Variants in SLC30A10 observed in about 807,000 individuals in gnomAD.
The protein encoded by SLC30A10 is solute carrier family 30 member 10, also known as calcium/manganese antiporter SLC30A10.
In SLC30A10, 8 loss-of-function variants were observed where a neutral mutation model predicts 21.7. The ratio of observed to expected loss-of-function variants is 0.37; its 90% CI spans 0.22 to 0.67. The LOEUF is 0.67. Ranked by LOEUF, SLC30A10 falls within the 30% of genes least tolerant of loss-of-function variation. The probability of loss-of-function intolerance (pLI) is 0.58; values close to 1 mark genes in which losing one functional copy is unlikely to be tolerated. For synonymous variants in SLC30A10, 272 were observed against 279.4 expected (o/e 0.97, Z 0.26); for missense variants, 521 against 642.5 (o/e 0.81, Z 2.04).
intron 1 of SLC30A10, 95 bp downstream of exon 1, chr1:219,927,706 G>A: frequency 1.1e-6 from 1 of 935,838 alleles, no homozygotes; most frequent in Non-Finnish European, 1.4e-6. Flanking sequence ...AAAAAAGCAT[G>A]CAGAAGAAAA....
Position 219,910,766 on chromosome 1 carries a change from T to A in SLC30A10, c.*4683A>T, listed in dbSNP as rs1252844288. On this transcript the variant is annotated 3_prime_UTR_variant, in exon 4 of 4. Coordinates refer to ENST00000366926, the MANE Select transcript of SLC30A10 (RefSeq NM_018713.3). ...TGCAGAGTAGGTGCAGTGTCTGGCA[T>A]GGCTTTGTACTAAGAGGTGACAGTT... Among the ~76,000 whole-genome samples the A allele has an allele frequency of 6.6e-6, 1 of 152,220 alleles. No homozygotes were observed. The highest frequency in any genetic ancestry group is 2.4e-5 in the African/African-American group (1 of 41,436).
chr1:219,918,280 T>G lies in SLC30A10; in HGVS notation c.933A>C (p.Pro311=). Residue 311 remains proline, a synonymous_variant, in exon 3 of 4, where the codon CCA becomes CCC. Coordinates refer to ENST00000366926, the MANE Select transcript of SLC30A10 (RefSeq NM_018713.3). This position sits in a 1 kb window ranked among gnomAD's most constrained non-coding sequence, Gnocchi z 4.4. ...TCAGCTCTTCCATGTTGACTCCTTT[T>G]GGGACCATCTGTAGCAGAATGGCAG... ...ETAAILLQMV[P]KGVNMEELMS... is the part of the protein sequence containing the mutation. 3.7e-6 allele frequency: 6 copies of G among 1,614,162 alleles called. No homozygotes were observed. The highest frequency in any genetic ancestry group is 5.1e-6 in the Non-Finnish European group (6 of 1,180,022).
intron 2 of SLC30A10, among the ~76,000 whole-genome samples, chr1:219,925,395 G>A (rs765189761): frequency 1.1e-4 from 17 of 151,390 alleles, no homozygotes; most frequent in South Asian, 2.1e-4. Context: ...TCAGCCAGGC[G>A]TGGTGGTGCG....
In SLC30A10 at chr1:219,911,618, TAC is replaced by T. The variant is rs147560051; in HGVS notation, c.*3829_*3830del. 6.6e-3 allele frequency among the ~76,000 whole-genome samples: 1,001 copies of T among 151,950 alleles called. 18 individuals are homozygous for T. Among genetic ancestry groups the T allele is most frequent in the African/African-American group, 0.023 (968 of 41,214 alleles). ...TTTATAAGGGCTTTTCATTTCAAAT[TAC>T]ATTTTTCTTTAAATATCCAAAGTTC... On this transcript the variant is annotated 3_prime_UTR_variant, in exon 4 of 4. Transcript: ENST00000366926.
In SLC30A10 at chr1:219,913,992, C is replaced by A. The variant is rs978617018; in HGVS notation, c.*1457G>T. 1 of 149,714 alleles carries A rather than the reference C, an allele frequency of 6.7e-6. No homozygotes were observed. Among genetic ancestry groups the A allele is most frequent in the African/African-American group, 2.5e-5 (1 of 40,416 alleles). 9.3% of individuals were successfully genotyped at this position (149,714 alleles called of 1,614,324 possible). A position where few individuals can be genotyped will look rare whatever the true frequency, so the allele number is the denominator to read the frequency against. On this transcript the variant is annotated 3_prime_UTR_variant, in exon 4 of 4. Coordinates refer to ENST00000366926, the MANE Select transcript of SLC30A10 (RefSeq NM_018713.3). ...TTTATTTTAGCCTTCAAATTTAGGA[C>A]TAAGATACATTGTTTAAATATGATG...
chr1:219,932,762 T>G (rs1363154431), upstream of SLC30A10, among the ~76,000 whole-genome samples: 1 of 137,756 alleles, frequency 7.3e-6, no homozygotes, highest in African/African-American at 2.6e-5. Flanking sequence ...GTGCAAAAGA[T>G]TAAAAATGAG....
intron 1 of SLC30A10, among the ~76,000 whole-genome samples, chr1:219,955,656 G>C (rs1038151469): frequency 1.3e-5 from 2 of 152,244 alleles, no homozygotes; most frequent in South Asian, 4.1e-4. Context: ...ACACCAGATA[G>C]ATAAGCAGAA....
intron 1 of SLC30A10, among the ~76,000 whole-genome samples, chr1:219,936,338 C>A (rs1660044737): frequency 6.6e-6 from 1 of 152,102 alleles, no homozygotes; most frequent in Non-Finnish European, 1.5e-5. Flanking sequence ...GCCATGGACC[C>A]ACAACCAACA....
rs1659411778 is a variant in SLC30A10, at chr1:219,911,319, T to C, written c.*4130A>G. ...ATAAATGATAAAGATTTTTTTAACA[T>C]CTGAACTTGTCATTAGCACTAAGAT... On this transcript the variant is annotated 3_prime_UTR_variant, in exon 4 of 4. Coordinates refer to ENST00000366926, the MANE Select transcript of SLC30A10 (RefSeq NM_018713.3). Among the ~76,000 whole-genome samples, 1 of 151,996 alleles carries C rather than the reference T, an allele frequency of 6.6e-6. No individual in the cohort carries two copies. Among genetic ancestry groups the C allele is most frequent in the Admixed American group, 6.6e-5 (1 of 15,262 alleles).
chr1:219,954,882 A>T (rs1660325553), intron 1 of SLC30A10, among the ~76,000 whole-genome samples: 1 of 152,134 alleles, frequency 6.6e-6, no homozygotes, highest in Non-Finnish European at 1.5e-5. Context: ...GAGCTGTACA[A>T]GGTCACCTTT....
intron 1 of SLC30A10, among the ~76,000 whole-genome samples, chr1:219,944,175 T>C (rs914369748): frequency 1.4e-5 from 2 of 145,034 alleles, no homozygotes; most frequent in Admixed American, 7.0e-5. Context: ...TGGCGGGGCA[T>C]GACAGCTTAC....
Position 219,918,569 on chromosome 1 carries a change from G to T in SLC30A10, c.719-75C>A. 1 of 1,496,326 alleles carries T rather than the reference G, an allele frequency of 6.7e-7. No individual in the cohort carries two copies. 92.7% of individuals were successfully genotyped at this position (1,496,326 alleles called of 1,614,324 possible). A position where few individuals can be genotyped will look rare whatever the true frequency, so the allele number is the denominator to read the frequency against. On this transcript the variant is annotated intron_variant, in intron 2 of 3. Coordinates refer to ENST00000366926, the MANE Select transcript of SLC30A10 (RefSeq NM_018713.3). This position sits in a 1 kb window ranked among gnomAD's most constrained non-coding sequence, Gnocchi z 4.4. ...GTGACACTCACTGACTTGGGTGTCC[G>T]GGTATATGAATATCTGTTACCATTT...
chr1:219,929,819 G>A (rs1281209059), upstream of SLC30A10, among the ~76,000 whole-genome samples: 2 of 152,116 alleles, frequency 1.3e-5, no homozygotes, highest in East Asian at 3.9e-4. Flanking sequence ...ACTGCACCTG[G>A]CCAAGACTCT....
intron 1 of SLC30A10, among the ~76,000 whole-genome samples, chr1:219,952,750 T>C (rs1232519378): frequency 1.3e-5 from 2 of 152,218 alleles, no homozygotes; most frequent in Non-Finnish European, 2.9e-5. Flanking sequence ...TCATTTTTCA[T>C]TAAAATTTAC....
rs544098111 is a variant in SLC30A10 at position 219,911,829 on chromosome 1, T to G, written c.*3620A>C. On this transcript the variant is annotated 3_prime_UTR_variant, in exon 4 of 4. Coordinates refer to ENST00000366926, the MANE Select transcript of SLC30A10 (RefSeq NM_018713.3). ...AGTGGCTCAGAACTTGGGGCAATTTTTTTTCCCAGGTTATATGTGGCAATG... is the reference window on the plus strand; with the variant it reads ...AGTGGCTCAGAACTTGGGGCAATTTGTTTTCCCAGGTTATATGTGGCAATG... Among the ~76,000 whole-genome samples, 63 of 152,226 alleles carry G rather than the reference T, an allele frequency of 4.1e-4. No individual in the cohort carries two copies. The highest frequency in any genetic ancestry group is 1.5e-3 in the African/African-American group (62 of 41,524).
chr1:219,944,926 C>T (rs1660168115), intron 1 of SLC30A10, among the ~76,000 whole-genome samples: 1 of 152,148 alleles, frequency 6.6e-6, no homozygotes, highest in South Asian at 2.1e-4. Context: ...ACTTAAAAGA[C>T]AGAAAACTGG....
chr1:219,920,291 A>G (rs116944546), intron 2 of SLC30A10, among the ~76,000 whole-genome samples: 105 of 152,312 alleles, frequency 6.9e-4, no homozygotes, highest in African/African-American at 2.3e-3. Flanking sequence ...GGGAAACTCA[A>G]AAATACTTTG....
rs964292113 is a variant in SLC30A10 at position 219,912,631 on chromosome 1, G to A, written c.*2818C>T. 3.3e-5 allele frequency among the ~76,000 whole-genome samples: 5 copies of A among 152,084 alleles called. No homozygotes were observed. Among genetic ancestry groups the A allele is most frequent in the African/African-American group, 4.8e-5 (2 of 41,414 alleles). On this transcript the variant is annotated 3_prime_UTR_variant, in exon 4 of 4. Transcript: ENST00000366926. ...GGGTGGATCACAAGGTCAGGAGATCGAGACCATCCTGGCTAACATGGTGAA... is the reference window on the plus strand; with the variant it reads ...GGGTGGATCACAAGGTCAGGAGATCAAGACCATCCTGGCTAACATGGTGAA...
rs1164535981 is a variant in SLC30A10 at position 219,925,632 on chromosome 1, C to CATATATATATATAT, written c.718+1382_718+1395dup. On this transcript the variant is annotated intron_variant, in intron 2 of 3. Transcript: ENST00000366926. Reference sequence around the variant, plus strand: ...CTTAAAATTTATGTGTGTGTGTGTACATATATATATATATATATATTTTTT... The same window carrying CATATATATATATAT: ...CTTAAAATTTATGTGTGTGTGTGTACATATATATATATATATATATATATATATATATATTTTTT... Among the ~76,000 whole-genome samples, 98 of 68,878 alleles carry CATATATATATATAT rather than the reference C, an allele frequency of 1.4e-3. 3 individuals carry two copies. The highest frequency in any genetic ancestry group is 2.2e-3 in the African/African-American group (32 of 14,624). 45.2% of individuals were successfully genotyped at this position (68,878 alleles called of 152,430 possible).
Sources: gnomAD v4.1 joint callset for allele counts (sites outside exome capture counted in the v4.1 genomes callset) on GRCh38, gnomAD v4.1.1 for gene constraint, Gnocchi (gnomAD v3.1) non-coding constraint, MANE v1.5 for transcripts, NCBI Gene and HGNC (gene_info 2026-07-23, HGNC 2026-07-21) for gene names.